Variants in ANXA5 observed in about 807,000 individuals in gnomAD.
The protein encoded by ANXA5 is CBP-I.
ANXA5 carries 40 observed loss-of-function variants against 48.1 expected under a neutral mutation model. That is an observed-to-expected ratio of 0.83 (90% CI 0.65 to 1.08). The LOEUF is 1.08. Among genes scored for constraint, ANXA5 ranks in the 50% least tolerant of loss-of-function variants. The pLI is 0.00. For synonymous variants in ANXA5, 113 were observed against 129.1 expected (o/e 0.88, Z 0.85); for missense variants, 357 against 376.8 (o/e 0.95, Z 0.44).
At chr4:121,691,069 A>C (rs1222934922) in intron 2 of ANXA5, among the ~76,000 whole-genome samples, 1 of 152,172 alleles carries the variant, frequency 6.6e-6, no homozygotes, top group African/African-American at 2.4e-5. Context: ...TACCCAGATT[A>C]ATGCCAACTC....
intron 2 of ANXA5, among the ~76,000 whole-genome samples, chr4:121,689,764 A>AC (rs1299950162): frequency 6.6e-6 from 1 of 152,176 alleles, no homozygotes; most frequent in African/African-American, 2.4e-5. Flanking sequence ...AACAATGTCA[A>AC]CTCTGCACAG....
chr4:121,669,678 C>G lies in ANXA5; in HGVS notation c.827G>C (p.Arg276Thr), dbSNP rs139430456. 1 of 1,612,936 alleles carries G rather than the reference C, an allele frequency of 6.2e-7. No homozygotes were observed. The highest frequency in any genetic ancestry group is 8.5e-7 in the Non-Finnish European group (1 of 1,179,666). Residue 276 changes from arginine (R) to threonine (T), a missense_variant, in exon 12 of 13, where the codon AGG (arginine) becomes ACG (threonine). Physicochemically the swap from Arg to Thr is moderately conservative, Grantham distance 71. Coordinates refer to ENST00000296511, the MANE Select transcript of ANXA5 (RefSeq NM_001154.4). Reference protein sequence around the residue: ...DHTLIRVMVSRSEIDLFNIRK... With the variant: ...DHTLIRVMVSTSEIDLFNIRK... Reference sequence around the variant, plus strand: ...GATGTTAAACAGATCAATCTCACTCCTGGAAACCATGACTCTGATGAGGGT... The same window carrying G: ...GATGTTAAACAGATCAATCTCACTCGTGGAAACCATGACTCTGATGAGGGT...
chr4:121,677,813 T>C, intron 8 of ANXA5, 81 bp downstream of exon 8: 1 of 1,201,542 alleles, frequency 8.3e-7, no homozygotes, highest in Non-Finnish European at 1.2e-6. Flanking sequence ...TATTACAACA[T>C]ACATTGTGAT....
At chr4:121,696,836 C>G (rs1425685028) in intron 1 of ANXA5, 27 bp downstream of exon 1, 2 of 362,604 alleles carry the variant, frequency 5.5e-6, no homozygotes, top group African/African-American at 2.1e-5. Flanking sequence ...CCAGAAGGAG[C>G]CCCCTCCCCG....
In ANXA5 at chr4:121,669,698, G is replaced by A. The variant is rs753555501; in HGVS notation, c.807C>T (p.Leu269=). The stretch of plus-strand genomic sequence containing the variant: ...CACTCCTGGAAACCATGACTCTGAT[G>A]AGGGTATGATCATCTGTCCCAGCTC... The part of the protein sequence containing the change: ...MKGAGTDDHT[L]IRVMVSRSEI... The change falls in exon 12 of 13, where the codon CTC becomes CTT. Residue 269 remains leucine (L), a synonymous_variant. Coordinates refer to ENST00000296511, the MANE Select transcript of ANXA5 (RefSeq NM_001154.4). 44 of 1,610,620 alleles carry A rather than the reference G, an allele frequency of 2.7e-5. No individual in the cohort carries two copies. Among genetic ancestry groups the A allele is most frequent in the Non-Finnish European group, 3.7e-5 (44 of 1,178,810 alleles).
At chr4:121,669,467 T>C (rs767513295) in intron 12 of ANXA5, 135 bp downstream of exon 12, 122 of 1,087,616 alleles carry the variant, frequency 1.1e-4, no homozygotes, top group Non-Finnish European at 1.6e-4. Context: ...GCTAAGCTTT[T>C]TAACTCATTG....
At chr4:121,670,424 A>G (rs773761115) in intron 10 of ANXA5, among the ~76,000 whole-genome samples, 1 of 152,136 alleles carries the variant, frequency 6.6e-6, no homozygotes. Context: ...TTACTACCTA[A>G]TTTTTTTAAA....
chr4:121,682,307 T>C (rs1451835333), intron 5 of ANXA5, among the ~76,000 whole-genome samples: 2 of 152,280 alleles, frequency 1.3e-5, no homozygotes, highest in Non-Finnish European at 2.9e-5. Context: ...ATAAAGGAAT[T>C]GGGACTTGCT....
At chr4:121,692,192 GA>G (rs768665861) in intron 2 of ANXA5, among the ~76,000 whole-genome samples, 11 of 151,858 alleles carry the variant, frequency 7.2e-5, no homozygotes, top group East Asian at 3.9e-4. Flanking sequence ...AAATGCAAGG[GA>G]AAAAAAACAT....
Position 121,668,338 on chromosome 4 carries a change from G to T in ANXA5, c.*130C>A. The T allele has an allele frequency of 1.3e-6, 1 of 749,064 alleles. No individual in the cohort carries two copies. The allele number at this position is 749,064 out of a possible 1,614,324, so 46.4% of individuals were successfully genotyped here. A position where few individuals can be genotyped will look rare whatever the true frequency, so the allele number is the denominator to read the frequency against. On this transcript the variant is annotated 3_prime_UTR_variant, in exon 13 of 13. Transcript: ENST00000296511. ...CTATTTTCTTCTATGACGTGTATGT[G>T]TTGGTCATGAGCATGCTAGTATGAA...
intron 9 of ANXA5, among the ~76,000 whole-genome samples, 189 bp from the exon 10 acceptor site, chr4:121,671,831 G>A (rs1031146425): frequency 6.6e-6 from 1 of 152,176 alleles, no homozygotes. Context: ...TTTGTTCACT[G>A]ATTGCCAGCC....
chr4:121,688,489 A>C (rs1724929524), intron 2 of ANXA5, among the ~76,000 whole-genome samples: 1 of 152,166 alleles, frequency 6.6e-6, no homozygotes, highest in Admixed American at 6.5e-5. Context: ...TCAGAGTTGA[A>C]CCTAATCTCT....
At chr4:121,684,648 T>C (rs923826869) in intron 4 of ANXA5, 29 bp downstream of exon 4, 62 of 1,579,418 alleles carry the variant, frequency 3.9e-5, no homozygotes, top group Non-Finnish European at 5.0e-5. Context: ...TGTTCTCCCA[T>C]TCTCTCTTGG....
chr4:121,692,249 G>A (rs560859864), intron 2 of ANXA5, among the ~76,000 whole-genome samples: 59 of 152,294 alleles, frequency 3.9e-4, no homozygotes, highest in African/African-American at 1.4e-3. Context: ...AGAAAAGAAG[G>A]TTTTGATAAC....
Position 121,670,031 on chromosome 4 carries a change from C to A in ANXA5, c.722-19G>T. The A allele has an allele frequency of 6.4e-7, 1 of 1,552,438 alleles. No individual in the cohort carries two copies. The highest frequency in any genetic ancestry group is 8.8e-7 in the Non-Finnish European group (1 of 1,136,892). Reference sequence around the variant, plus strand: ...GATTTCACTAAGAAAATAAACAATACAATGGTCAAATGCTATTTTGATATG... The same window carrying A: ...GATTTCACTAAGAAAATAAACAATAAAATGGTCAAATGCTATTTTGATATG... On this transcript the variant is annotated intron_variant, in intron 10 of 12. Transcript: ENST00000296511.
rs778106129 is a variant in ANXA5 at position 121,681,647 on chromosome 4, A to C, written c.394+24T>G. ...AGGAAGTGATAGTGGAGGTGAAGTC[A>C]AAATATAACTCACAAACATTTACCT... On this transcript the variant is annotated intron_variant, in intron 6 of 12. Coordinates refer to ENST00000296511, the MANE Select transcript of ANXA5 (RefSeq NM_001154.4). 6.4e-6 allele frequency: 10 copies of C among 1,556,586 alleles called. No homozygotes were observed. The African/African-American group carries it at 1.2e-4, about 19-fold the overall frequency.
At chr4:121,676,115 C>A (rs1382033282) in intron 8 of ANXA5, among the ~76,000 whole-genome samples, 1 of 152,156 alleles carries the variant, frequency 6.6e-6, no homozygotes, top group East Asian at 1.9e-4. Flanking sequence ...AGAATCAGCA[C>A]TATCTCCTAG....
intron 6 of ANXA5, 125 bp from the exon 7 acceptor site, chr4:121,678,619 T>C (rs1353321497): frequency 5.1e-6 from 4 of 787,136 alleles, no homozygotes; most frequent in Non-Finnish European, 8.1e-6. Context: ...ATAAATTCCC[T>C]CTATTCCATC....
intron 8 of ANXA5, among the ~76,000 whole-genome samples, chr4:121,674,592 A>G (rs1459630888): frequency 6.6e-6 from 1 of 151,604 alleles, no homozygotes; most frequent in Non-Finnish European, 1.5e-5. Flanking sequence ...TTATATGGGA[A>G]TAATTGGTGA....
Sources: gnomAD v4.1 joint callset for allele counts (sites outside exome capture counted in the v4.1 genomes callset) on GRCh38, gnomAD v4.1.1 for gene constraint, MANE v1.5 for transcripts, NCBI Gene and HGNC (gene_info 2026-07-23, HGNC 2026-07-21) for gene names.